Variants in CNTNAP5 observed in about 807,000 individuals in gnomAD.
CNTNAP5 encodes contactin associated protein family member 5.
Under a neutral mutation model 150.2 loss-of-function variants are expected in CNTNAP5, and 72 were observed. That is an observed-to-expected ratio of 0.48 (90% CI 0.40 to 0.58). CNTNAP5 has a LOEUF of 0.58. Among genes scored for constraint, CNTNAP5 ranks in the 20% least tolerant of loss-of-function variants. The pLI is 0.00. For synonymous variants in CNTNAP5, 672 were observed against 619.8 expected (o/e 1.08, Z -1.25); for missense variants, 1,636 against 1,626.2 (o/e 1.01, Z -0.10).
Position 124,609,863 on chromosome 2 carries a change from A to C in CNTNAP5, c.1819A>C (p.Ile607Leu). The C allele has an allele frequency of 6.2e-7, 1 of 1,613,994 alleles. No individual in the cohort carries two copies. The highest frequency in any genetic ancestry group is 8.5e-7 in the Non-Finnish European group (1 of 1,179,870). Residue 607 changes from isoleucine (I) to leucine (L), a missense_variant, in exon 12 of 24, where the codon ATC becomes CTC. Ile to Leu is a conservative substitution (Grantham distance 5). Coordinates refer to ENST00000682447, the MANE Select transcript of CNTNAP5 (RefSeq NM_001367498.1). The stretch of plus-strand genomic sequence containing the variant: ...GGGGAATACAGCCGGCTTCTTCTAC[A>C]TCGACTCAGATGGCAGCGGCCCACT... ...HQGNTAGFFY[I>L]DSDGSGPLGP... is the part of the protein sequence containing the mutation.
chr2:124,787,137 G>A (rs901955243), intron 17 of CNTNAP5, among the ~76,000 whole-genome samples: 2 of 152,124 alleles, frequency 1.3e-5, no homozygotes, highest in African/African-American at 4.8e-5. Flanking sequence ...AAGAAAATGT[G>A]CAATAGATCT....
intron 3 of CNTNAP5, among the ~76,000 whole-genome samples, chr2:124,404,742 G>C (rs1691526189): frequency 6.6e-6 from 1 of 152,140 alleles, no homozygotes; most frequent in Non-Finnish European, 1.5e-5. Flanking sequence ...GGCCAAATAT[G>C]GTGGAGAGTT....
At chr2:124,368,915 T>C (rs1249205040) in intron 3 of CNTNAP5, among the ~76,000 whole-genome samples, 1 of 152,146 alleles carries the variant, frequency 6.6e-6, no homozygotes. Flanking sequence ...GAACTCAAGG[T>C]TGGAAGAGAA....
intron 1 of CNTNAP5, among the ~76,000 whole-genome samples, chr2:124,162,063 T>A (rs1038963066): frequency 4.6e-5 from 7 of 152,182 alleles, no homozygotes; most frequent in African/African-American, 1.4e-4. Context: ...TTGAATCCTG[T>A]GCCACTCACT....
At chr2:124,668,617 G>T (rs1221351728) in intron 13 of CNTNAP5, among the ~76,000 whole-genome samples, 1 of 152,090 alleles carries the variant, frequency 6.6e-6, no homozygotes, top group African/African-American at 2.4e-5. Context: ...CACAGGAAAG[G>T]TTTATGTGAT....
At chr2:124,475,631 C>G (rs954699822) in intron 7 of CNTNAP5, among the ~76,000 whole-genome samples, 4 of 151,998 alleles carry the variant, frequency 2.6e-5, no homozygotes, top group Non-Finnish European at 5.9e-5. Context: ...ACTCTTTTAT[C>G]ATTATATAAT....
At chr2:124,506,889 G>A (rs72968733) in intron 8 of CNTNAP5, among the ~76,000 whole-genome samples, 3,168 of 152,212 alleles carry the variant, frequency 0.021, 110 homozygotes, top group African/African-American at 0.07. Context: ...ATCTGCTTCC[G>A]CACTCACTCA....
intron 14 of CNTNAP5, among the ~76,000 whole-genome samples, chr2:124,757,108 G>A (rs1424113695): frequency 6.6e-6 from 1 of 152,140 alleles, no homozygotes; most frequent in Non-Finnish European, 1.5e-5. Context: ...TAGGGCTGCT[G>A]TCTGAAAGTT....
At chr2:124,407,838 G>A (rs1347668740) in intron 3 of CNTNAP5, among the ~76,000 whole-genome samples, 1 of 151,992 alleles carries the variant, frequency 6.6e-6, no homozygotes, top group African/African-American at 2.4e-5. Context: ...CTCTTTGGTG[G>A]GTTCAGTTTC....
chr2:124,377,557 C>A (rs1202826298), intron 3 of CNTNAP5, among the ~76,000 whole-genome samples: 1 of 151,866 alleles, frequency 6.6e-6, no homozygotes, highest in African/African-American at 2.4e-5. Flanking sequence ...CGCCTGTAAT[C>A]CTAGCTACTC....
intron 10 of CNTNAP5, among the ~76,000 whole-genome samples, chr2:124,536,427 G>A (rs893078094): frequency 1.3e-5 from 2 of 151,996 alleles, no homozygotes; most frequent in African/African-American, 4.8e-5. Context: ...CAGAAATGTG[G>A]GTTGGGGGCC....
chr2:124,157,809 G>A (rs1327088334), intron 1 of CNTNAP5, among the ~76,000 whole-genome samples: 1 of 152,092 alleles, frequency 6.6e-6, no homozygotes, highest in Admixed American at 6.6e-5. Context: ...GTGCTCATGA[G>A]GAGATCCCAA....
intron 21 of CNTNAP5, 59 bp from the exon 22 acceptor site, chr2:124,902,823 C>T: frequency 2.5e-6 from 3 of 1,191,132 alleles, no homozygotes; most frequent in Non-Finnish European, 3.6e-6. Context: ...GAGGACCCAG[C>T]ATATAATTTG....
At chr2:124,045,398 A>G (rs536826049) in intron 1 of CNTNAP5, among the ~76,000 whole-genome samples, 51 of 151,638 alleles carry the variant, frequency 3.4e-4, no homozygotes, top group African/African-American at 1.2e-3. Context: ...CCCAGGTTCA[A>G]GTGATTCTCC....
At chr2:124,808,850 A>T (rs2104653966) in intron 19 of CNTNAP5, among the ~76,000 whole-genome samples, 1 of 152,216 alleles carries the variant, frequency 6.6e-6, no homozygotes, top group African/African-American at 2.4e-5. Flanking sequence ...TGAACCAAAG[A>T]TTGTCCAAAG....
intron 19 of CNTNAP5, among the ~76,000 whole-genome samples, chr2:124,836,396 A>G (rs1682830175): frequency 6.6e-6 from 1 of 152,188 alleles, no homozygotes; most frequent in African/African-American, 2.4e-5. Context: ...CCTGCCACAG[A>G]CAGCTTATCC....
At chr2:124,393,648 G>A (rs1691174543) in intron 3 of CNTNAP5, among the ~76,000 whole-genome samples, 1 of 152,206 alleles carries the variant, frequency 6.6e-6, no homozygotes, top group Admixed American at 6.5e-5. Flanking sequence ...GTCCTCACAG[G>A]GTGCTTTAGA....
intron 3 of CNTNAP5, among the ~76,000 whole-genome samples, chr2:124,330,219 A>G (rs971876893): frequency 1.3e-5 from 2 of 152,174 alleles, no homozygotes; most frequent in African/African-American, 4.8e-5. Flanking sequence ...TCAGTTCCTC[A>G]AAGCTGTCTA....
At chr2:124,707,491 T>C (rs1679716347) in intron 13 of CNTNAP5, among the ~76,000 whole-genome samples, 1 of 152,168 alleles carries the variant, frequency 6.6e-6, no homozygotes, top group Non-Finnish European at 1.5e-5. Context: ...CAGAGTGCAA[T>C]AAATGTTAAT....
Sources: gnomAD v4.1 joint callset for allele counts (sites outside exome capture counted in the v4.1 genomes callset) on GRCh38, gnomAD v4.1.1 for gene constraint, MANE v1.5 for transcripts, NCBI Gene and HGNC (gene_info 2026-07-23, HGNC 2026-07-21) for gene names.